The following FBXL17 variants were observed in gnomAD, a reference collection of about 807,000 sequenced individuals.
FBXL17 encodes the protein F-box/LRR-repeat protein 17.
FBXL17 carries 22 observed loss-of-function variants against 66.2 expected under a neutral mutation model. The ratio of observed to expected loss-of-function variants is 0.33; its 90% CI spans 0.24 to 0.47. FBXL17 has a LOEUF of 0.47. FBXL17 is among the 20% of genes least tolerant of loss of function. The probability of loss-of-function intolerance (pLI) is 1.00; values close to 1 mark genes in which losing one functional copy is unlikely to be tolerated. For synonymous variants in FBXL17, 474 were observed against 400.5 expected, an observed-to-expected ratio of 1.18 and a Z score of -2.19; for missense variants, 878 against 948.2, an observed-to-expected ratio of 0.93 and a Z score of 0.97.
chr5:108,335,638 A>G (rs1364059581), intron 4 of FBXL17, among the ~76,000 whole-genome samples: 3 of 152,134 alleles, frequency 2.0e-5, no homozygotes. Flanking sequence ...CACTAGGCAA[A>G]TGCACACACT....
chr5:108,367,446 T>C (rs377267561), intron 2 of FBXL17, among the ~76,000 whole-genome samples: 1 of 152,224 alleles, frequency 6.6e-6, no homozygotes, highest in South Asian at 2.1e-4. Context: ...AATGAACTAG[T>C]ATGCATAAAG....
intron 6 of FBXL17, among the ~76,000 whole-genome samples, chr5:108,180,341 T>A (rs946161820): frequency 1.3e-4 from 20 of 151,902 alleles, no homozygotes; most frequent in African/African-American, 4.8e-4. Flanking sequence ...TGAAACCCCG[T>A]CTCTACTAAA....
intron 6 of FBXL17, among the ~76,000 whole-genome samples, chr5:108,154,612 T>TAC (rs1407716122): frequency 1.8e-4 from 17 of 95,458 alleles, no homozygotes; most frequent in African/African-American, 7.8e-4. Flanking sequence ...AAAAAATATA[T>TAC]ATATACACAC....
At chr5:108,060,424 T>C (rs1295911892) in intron 6 of FBXL17, among the ~76,000 whole-genome samples, 1 of 152,154 alleles carries the variant, frequency 6.6e-6, no homozygotes, top group Non-Finnish European at 1.5e-5. Flanking sequence ...CAACCAGCCA[T>C]CTCAAATTAG....
intron 4 of FBXL17, among the ~76,000 whole-genome samples, chr5:108,232,802 T>TATATATATAA (rs1291059107): frequency 8.0e-6 from 1 of 124,390 alleles, no homozygotes; most frequent in Non-Finnish European, 1.6e-5. Flanking sequence ...TATATATATA[T>TATATATATAA]ATAATATATA....
intron 6 of FBXL17, among the ~76,000 whole-genome samples, chr5:108,077,693 T>C (rs207466312): frequency 4.6e-5 from 7 of 151,446 alleles, no homozygotes; most frequent in Admixed American, 1.3e-4. Context: ...AAAATGAAAA[T>C]GATAGTATAC....
intron 6 of FBXL17, among the ~76,000 whole-genome samples, chr5:108,033,883 A>T (rs1746737258): frequency 6.6e-6 from 1 of 152,070 alleles, no homozygotes; most frequent in Admixed American, 6.6e-5. Flanking sequence ...TCATTAAGGA[A>T]ATACACAATG....
At chr5:108,165,957 C>G (rs1411947342) in intron 6 of FBXL17, among the ~76,000 whole-genome samples, 1 of 152,156 alleles carries the variant, frequency 6.6e-6, no homozygotes, top group Non-Finnish European at 1.5e-5. Context: ...TATGATTATT[C>G]TTCAGGGAGT....
chr5:108,046,690 GA>G (rs1469153426), intron 6 of FBXL17, among the ~76,000 whole-genome samples: 1 of 152,122 alleles, frequency 6.6e-6, no homozygotes, highest in Non-Finnish European at 1.5e-5. Context: ...CAGGTTGAGT[GA>G]AGTATATAAA....
At chr5:108,335,978 A>AT (rs1335033884) in intron 4 of FBXL17, among the ~76,000 whole-genome samples, 3 of 152,084 alleles carry the variant, frequency 2.0e-5, no homozygotes, top group Admixed American at 1.3e-4. Flanking sequence ...CACTTGTCCA[A>AT]TTTTTTCCCC....
intron 7 of FBXL17, among the ~76,000 whole-genome samples, chr5:107,926,571 C>T (rs1010969717): frequency 6.6e-6 from 1 of 151,606 alleles, no homozygotes; most frequent in South Asian, 2.1e-4. Context: ...TAATGTGTGT[C>T]ATGATCTCTG....
intron 7 of FBXL17, among the ~76,000 whole-genome samples, chr5:108,018,983 T>A (rs17160869): frequency 0.027 from 4,141 of 152,204 alleles, 186 homozygotes; most frequent in African/African-American, 0.092. Flanking sequence ...CTAAAATAAT[T>A]CAGAGACACA....
intron 4 of FBXL17, among the ~76,000 whole-genome samples, chr5:108,347,623 T>C (rs1298854815): frequency 1.3e-5 from 2 of 152,076 alleles, no homozygotes; most frequent in Non-Finnish European, 2.9e-5. Context: ...ATATCTAGAC[T>C]AGGAAAACCC....
chr5:108,213,388 G>A (rs1490372149), intron 5 of FBXL17, among the ~76,000 whole-genome samples: 2 of 152,240 alleles, frequency 1.3e-5, no homozygotes, highest in African/African-American at 4.8e-5. Context: ...CCAAATGGCC[G>A]CCCAGTTTTG....
intron 7 of FBXL17, among the ~76,000 whole-genome samples, chr5:107,997,476 G>A (rs868274779): frequency 1.4e-4 from 21 of 152,290 alleles, no homozygotes; most frequent in Middle Eastern, 3.4e-3. Flanking sequence ...ACCCCTCCAG[G>A]CATCTTAATG....
chr5:108,137,628 G>A (rs1276581520), intron 6 of FBXL17, among the ~76,000 whole-genome samples: 1 of 152,126 alleles, frequency 6.6e-6, no homozygotes, highest in African/African-American at 2.4e-5. Context: ...ACCTGCTTCA[G>A]AAAATGTACT....
intron 5 of FBXL17, among the ~76,000 whole-genome samples, chr5:108,214,255 G>A (rs1754499782): frequency 6.6e-6 from 1 of 152,042 alleles, no homozygotes; most frequent in South Asian, 2.1e-4. Context: ...CATCCACTGG[G>A]GGTTGTGGAA....
At chr5:108,071,875 T>C (rs1407845386) in intron 6 of FBXL17, among the ~76,000 whole-genome samples, 1 of 152,106 alleles carries the variant, frequency 6.6e-6, no homozygotes, top group Non-Finnish European at 1.5e-5. Context: ...TCACAAAATT[T>C]CTTAAATCAA....
intron 6 of FBXL17, among the ~76,000 whole-genome samples, chr5:108,079,090 C>T (rs541251435): frequency 6.6e-6 from 1 of 151,884 alleles, no homozygotes; most frequent in Non-Finnish European, 1.5e-5. Flanking sequence ...CTCAAGTGAT[C>T]CTCCTGCCTC....
Sources: allele counts gnomAD v4.1 joint callset (sites outside exome capture counted in the v4.1 genomes callset), GRCh38; gene constraint gnomAD v4.1.1; transcripts MANE v1.5; gene names NCBI Gene and HGNC (gene_info 2026-07-23, HGNC 2026-07-21).